The following RIMS3 variants were observed in gnomAD, a reference collection of about 807,000 sequenced individuals.
RIMS3 encodes the protein regulating synaptic membrane exocytosis protein 3.
Under a neutral mutation model 29.2 loss-of-function variants are expected in RIMS3, and 15 were observed. The observed-to-expected ratio is 0.51, with a 90% CI of 0.34 to 0.79. The LOEUF (loss-of-function observed/expected upper bound fraction) is 0.79. Ranked by LOEUF, RIMS3 falls within the 30% of genes least tolerant of loss-of-function variation. The pLI is 0.01. For synonymous variants in RIMS3, 161 were observed against 170.1 expected (o/e 0.95, Z 0.41); for missense variants, 342 against 421.4 (o/e 0.81, Z 1.65).
the RIMS3 span, chr1:40,690,247 GACTT>G: frequency 1.3e-5 from 2 of 152,140 alleles, no homozygotes; most frequent in African/African-American, 4.8e-5. Flanking sequence ...TCTGTAGAGA[GACTT>G]ATTTAGCTTT....
intron 1 of RIMS3, among the ~76,000 whole-genome samples, chr1:40,659,845 A>T (rs568606284): frequency 6.6e-6 from 1 of 152,184 alleles, no homozygotes. Flanking sequence ...GAGTGGCAGA[A>T]GAAGACACAA....
chr1:40,650,682 T>TA (rs1279520961), intron 1 of RIMS3, among the ~76,000 whole-genome samples: 1 of 150,782 alleles, frequency 6.6e-6, no homozygotes, highest in Non-Finnish European at 1.5e-5. Flanking sequence ...AGCAACACGG[T>TA]AAAACCTCAT....
chr1:40,628,735 T>C (rs1369925136), intron 7 of RIMS3, 75 bp downstream of exon 7: 5 of 1,593,106 alleles, frequency 3.1e-6, no homozygotes, highest in Non-Finnish European at 4.3e-6. Context: ...ACAGGATGAA[T>C]CATAAATGAA....
chr1:40,630,877 A>T (rs1310218569), intron 5 of RIMS3, among the ~76,000 whole-genome samples: 3 of 152,198 alleles, frequency 2.0e-5, no homozygotes, highest in Non-Finnish European at 4.4e-5. Flanking sequence ...GATTTGGCTA[A>T]TTCCCAGCCT....
chr1:40,637,529 C>T (rs919384593), intron 3 of RIMS3, among the ~76,000 whole-genome samples: 8 of 152,156 alleles, frequency 5.3e-5, no homozygotes, highest in African/African-American at 1.4e-4. Flanking sequence ...TTAGCTCATA[C>T]ATATTTTTTT....
chr1:40,662,412 C>T (rs112760274), intron 1 of RIMS3, among the ~76,000 whole-genome samples: 1 of 53,320 alleles, frequency 1.9e-5, no homozygotes, highest in South Asian at 3.2e-4. Flanking sequence ...TGATAGGTTC[C>T]AGAGCCCAAG....
upstream of RIMS3, among the ~76,000 whole-genome samples, chr1:40,670,610 T>TATATATATATATA (rs1642482130): frequency 2.8e-5 from 1 of 35,828 alleles, no homozygotes; most frequent in Non-Finnish European, 5.0e-5. Flanking sequence ...ATATATATAT[T>TATATATATATATA]TGAGATGGAG....
At chr1:40,645,318 T>C (rs140029380) in intron 2 of RIMS3, among the ~76,000 whole-genome samples, 6 of 152,288 alleles carry the variant, frequency 3.9e-5, no homozygotes, top group African/African-American at 7.2e-5. Flanking sequence ...CCTTACAGTA[T>C]TTCTGGAAGG....
chr1:40,623,222 G>C lies in RIMS3; in HGVS notation c.*3295C>G. On this transcript the variant is annotated 3_prime_UTR_variant, in exon 8 of 8. Coordinates refer to ENST00000372684, the MANE Select transcript of RIMS3 (RefSeq NM_014747.3). The stretch of plus-strand genomic sequence containing the variant: ...CCTCCTAAGTGCTCCTTTCCTAGTA[G>C]AATTGGGTGGTAGAAGAAACCAGAT... 1 of 394,144 alleles carries C rather than the reference G, an allele frequency of 2.5e-6. No individual in the cohort carries two copies. The highest frequency in any genetic ancestry group is 6.4e-4 in the Middle Eastern group (1 of 1,570). The allele number at this position is 394,144 out of a possible 1,614,324, so 24.4% of individuals were successfully genotyped here.
chr1:40,631,531 T>C (rs61779214), intron 5 of RIMS3, among the ~76,000 whole-genome samples: 1 of 151,064 alleles, frequency 6.6e-6, no homozygotes, highest in African/African-American at 2.4e-5. Flanking sequence ...GAAAAAAAAT[T>C]AGCCATGTGT....
At chr1:40,659,407 A>G (rs1010192940) in intron 1 of RIMS3, among the ~76,000 whole-genome samples, 10 of 152,148 alleles carry the variant, frequency 6.6e-5, no homozygotes, top group African/African-American at 2.2e-4. Flanking sequence ...TGACGGGGTC[A>G]GTTCTGTGTT....
At position 40,637,302 on chromosome 1, in the gene RIMS3, AAGT is replaced by A. The variant is rs960044164; in HGVS notation, c.218-1248_218-1246del. ...CTGCTTCGTCTGCTTATCTTTCAGA[AAGT>A]CCCCACTGGAGGAGGGCAGGCAGAG... On this transcript the variant is annotated intron_variant, in intron 3 of 7. Transcript: ENST00000372684. 9.2e-5 allele frequency among the ~76,000 whole-genome samples: 14 copies of A among 152,288 alleles called. No homozygotes were observed. In the East Asian group the frequency reaches 2.3e-3, roughly 25 times the overall value.
At chr1:40,639,893 T>C (rs1646544718) in intron 3 of RIMS3, among the ~76,000 whole-genome samples, 1 of 152,172 alleles carries the variant, frequency 6.6e-6, no homozygotes, top group South Asian at 2.1e-4. Flanking sequence ...AGCCATGCCC[T>C]TGCATACCAA....
At position 40,638,966 on chromosome 1, in the gene RIMS3, G is replaced by A. The variant is rs761365884; in HGVS notation, c.217+2743C>T. ...CTAGGGCAACAAGAGGAATAAACTGGAAGAAGGCAGGCAGGAGGCAGGAGA... is the reference window on the plus strand; with the variant it reads ...CTAGGGCAACAAGAGGAATAAACTGAAAGAAGGCAGGCAGGAGGCAGGAGA... On this transcript the variant is annotated intron_variant, in intron 3 of 7. Coordinates refer to ENST00000372684, the MANE Select transcript of RIMS3 (RefSeq NM_014747.3). 5.0e-4 allele frequency among the ~76,000 whole-genome samples: 76 copies of A among 152,218 alleles called. 1 individual carries two copies. The highest frequency in any genetic ancestry group is 1.7e-3 in the Admixed American group (26 of 15,286).
chr1:40,668,749 T>C (rs1642457319), upstream of RIMS3, among the ~76,000 whole-genome samples: 5 of 152,128 alleles, frequency 3.3e-5, no homozygotes. Flanking sequence ...AAGGCTTCTA[T>C]ACAGAAGAAA....
intron 5 of RIMS3, among the ~76,000 whole-genome samples, chr1:40,631,914 T>C (rs1646491565): frequency 6.6e-6 from 1 of 151,962 alleles, no homozygotes; most frequent in Non-Finnish European, 1.5e-5. Flanking sequence ...AAAGGTAGGT[T>C]ATGGTGAGCC....
chr1:40,642,882 G>C (rs538268999), intron 2 of RIMS3, among the ~76,000 whole-genome samples: 4 of 97,438 alleles, frequency 4.1e-5, no homozygotes, highest in Admixed American at 1.0e-4. Context: ...GTTAAACTGG[G>C]GAGGCGGAGG....
chr1:40,685,902 G>A, the RIMS3 span, among the ~76,000 whole-genome samples: 5 of 152,082 alleles, frequency 3.3e-5, no homozygotes, highest in South Asian at 2.1e-4. Context: ...TCAGCACTAC[G>A]GGAGGCTGAG....
In RIMS3 at chr1:40,641,783, C is replaced by T. The variant is rs1646559152; in HGVS notation, c.143G>A (p.Ser48Asn). The change falls in exon 3 of 8, where the codon AGC becomes AAC. Residue 48 changes from serine (S) to asparagine (N), a missense_variant. Ser to Asn is a conservative substitution (Grantham distance 46). Transcript: ENST00000372684. ...GTTTAKKRRSSLGAKMVAIVG... is the reference protein window; with the variant it reads ...GTTTAKKRRSNLGAKMVAIVG... ...GATGGCCACCATCTTGGCACCCAGG[C>T]TGCTCCGCCGCTTCTTGGCGGTGGT... 6.2e-7 allele frequency: 1 copy of T among 1,613,612 alleles called. No homozygotes were observed. Among genetic ancestry groups the T allele is most frequent in the Non-Finnish European group, 8.5e-7 (1 of 1,179,580 alleles).
Sources: gnomAD v4.1 joint callset for allele counts (sites outside exome capture counted in the v4.1 genomes callset) on GRCh38, gnomAD v4.1.1 for gene constraint, MANE v1.5 for transcripts, NCBI Gene and HGNC (gene_info 2026-07-23, HGNC 2026-07-21) for gene names.